CFAP221: variants seen among roughly 807,000 people sequenced by gnomAD.
CFAP221 encodes the protein cilia and flagella associated protein 221.
A neutral mutation model predicts 113.1 loss-of-function variants in CFAP221; 97 were observed. That is an observed-to-expected ratio of 0.86 (90% confidence interval 0.73 to 1.02). The LOEUF (loss-of-function observed/expected upper bound fraction) is 1.02, where lower values mean the gene tolerates loss of function less well. CFAP221 is among the 50% of genes least tolerant of loss of function. The pLI, the probability that CFAP221 is intolerant of heterozygous loss-of-function variation, is 0.00. For missense variants in CFAP221, 1,025 were observed against 1,013.4 expected, an observed-to-expected ratio of 1.01 and a Z score of -0.16; for synonymous variants, 331 against 354.4, an observed-to-expected ratio of 0.93 and a Z score of 0.74.
At chr2:119,631,139 T>A (rs2104765508) in intron 19 of CFAP221, 2 of 1,080,936 alleles carry the variant, frequency 1.9e-6, no homozygotes, top group East Asian at 3.6e-5. Context: ...TCTAAATATC[T>A]ATAATATGTA....
Position 119,584,824 on chromosome 2 carries a change from T to C in CFAP221, c.528-2295T>C, listed in dbSNP as rs955850223. 2.0e-5 allele frequency among the ~76,000 whole-genome samples: 3 copies of C among 152,278 alleles called. No individual in the cohort carries two copies. In the South Asian group the frequency reaches 6.2e-4, roughly 32 times the overall value. The stretch of plus-strand genomic sequence containing the variant: ...CTAAATGTTGGTAAGCAATAGAAAC[T>C]CTCCTATTCTGCTAGTAAAGGTGTA... On this transcript the variant is annotated intron_variant, in intron 6 of 23. Coordinates refer to ENST00000413369, the MANE Select transcript of CFAP221 (RefSeq NM_001271049.2).
chr2:119,631,056 T>G (rs1686741831), intron 19 of CFAP221, 155 bp downstream of exon 19: 6 of 1,365,976 alleles, frequency 4.4e-6, no homozygotes, highest in African/African-American at 1.5e-5. Context: ...CAACCTTTAT[T>G]TTTTGGAGAA....
At chr2:119,634,669 C>A (rs932625619) in intron 19 of CFAP221, among the ~76,000 whole-genome samples, 1 of 152,204 alleles carries the variant, frequency 6.6e-6, no homozygotes, top group African/African-American at 2.4e-5. Context: ...TAATATGCAA[C>A]AGCATTGATA....
Position 119,605,263 on chromosome 2 carries a change from C to T in CFAP221, c.1107C>T (p.His369=), listed in dbSNP as rs752797632. ...AACAGAAAGTCAGACAGGACATTCA[C>T]GAAGAGATGGAAAATCATCTTAAGT... The part of the protein sequence containing the change: ...LFEQKVRQDI[H]EEMENHLKWQ... Residue 369 remains histidine (H), a synonymous_variant, in exon 11 of 24, where the codon CAC becomes CAT. Transcript: ENST00000413369. 7.4e-6 allele frequency: 12 copies of T among 1,613,602 alleles called. No individual in the cohort carries two copies. Among genetic ancestry groups the T allele is most frequent in the East Asian group, 4.5e-5 (2 of 44,888 alleles).
chr2:119,591,099 C>T (rs1013263260), intron 7 of CFAP221, among the ~76,000 whole-genome samples: 2 of 152,084 alleles, frequency 1.3e-5, no homozygotes, highest in African/African-American at 4.8e-5. Context: ...GTGAGATAAC[C>T]GGCAGAGGGC....
chr2:119,657,415 A>C (rs572359342), downstream of CFAP221, among the ~76,000 whole-genome samples: 1 of 152,342 alleles, frequency 6.6e-6, no homozygotes, highest in Non-Finnish European at 1.5e-5. Flanking sequence ...GGAAATGTGC[A>C]GAGTATACCT....
At chr2:119,586,132 TAGAGA>T (rs903995609) in intron 6 of CFAP221, among the ~76,000 whole-genome samples, 2 of 151,448 alleles carry the variant, frequency 1.3e-5, no homozygotes, top group African/African-American at 4.9e-5. Context: ...AGGTATGGGG[TAGAGA>T]AGAGATGTAC....
chr2:119,655,016 G>A (rs1304065738), intron 23 of CFAP221, among the ~76,000 whole-genome samples: 1 of 152,126 alleles, frequency 6.6e-6, no homozygotes, highest in African/African-American at 2.4e-5. Context: ...AGCCAACAGA[G>A]TCCTCCCTGC....
chr2:119,587,180 T>C lies in CFAP221; in HGVS notation c.589T>C (p.Leu197=). ...TGTAGATTTTGAGTTTTATATCACC[T>C]TGATTCAGTCTCATCAAGCCTTTGC... ...CPVDFEFYIT[L]IQSHQAFAIE... is the part of the protein sequence containing the mutation. Residue 197 remains leucine, a synonymous_variant, in exon 7 of 24, where the codon TTG becomes CTG. Transcript: ENST00000413369. 1 of 1,533,732 alleles carries C rather than the reference T, an allele frequency of 6.5e-7. No individual in the cohort carries two copies. Among genetic ancestry groups the C allele is most frequent in the Non-Finnish European group, 8.7e-7 (1 of 1,145,616 alleles).
intron 7 of CFAP221, among the ~76,000 whole-genome samples, chr2:119,593,285 T>C (rs1683723291): frequency 6.6e-6 from 1 of 152,194 alleles, no homozygotes; most frequent in Non-Finnish European, 1.5e-5. Context: ...TTATTGTTGT[T>C]CCTTTGCTGA....
At chr2:119,643,371 C>T (rs1313428855) in intron 21 of CFAP221, among the ~76,000 whole-genome samples, 1 of 152,184 alleles carries the variant, frequency 6.6e-6, no homozygotes, top group African/African-American at 2.4e-5. Context: ...TCAGAGATAA[C>T]TTGTTAAATC....
intron 22 of CFAP221, 96 bp downstream of exon 22, chr2:119,647,146 C>A: frequency 1.1e-6 from 1 of 894,684 alleles, no homozygotes. Context: ...CACACAGTTC[C>A]TGAGCTTGCA....
intron 14 of CFAP221, among the ~76,000 whole-genome samples, chr2:119,620,455 G>A (rs989598151): frequency 2.6e-5 from 4 of 152,170 alleles, no homozygotes; most frequent in African/African-American, 9.7e-5. Context: ...TCACAGAAAA[G>A]CATTTTCAAC....
chr2:119,552,932 T>C (rs1680531705), intron 3 of CFAP221, among the ~76,000 whole-genome samples: 1 of 152,186 alleles, frequency 6.6e-6, no homozygotes, highest in South Asian at 2.1e-4. Flanking sequence ...GATGTTACCT[T>C]GTTTCTAATA....
chr2:119,646,711 T>C (rs1687833890), intron 21 of CFAP221, among the ~76,000 whole-genome samples: 1 of 152,018 alleles, frequency 6.6e-6, no homozygotes, highest in African/African-American at 2.4e-5. Context: ...AACTGAAAAA[T>C]TCTATGATTC....
At chr2:119,588,999 AGAG>A (rs756177015) in intron 7 of CFAP221, among the ~76,000 whole-genome samples, 9 of 152,150 alleles carry the variant, frequency 5.9e-5, no homozygotes, top group African/African-American at 2.4e-5. Flanking sequence ...GCAGTGCAGA[AGAG>A]GAGAATGAAG....
chr2:119,652,410 A>G (rs1409582758), intron 23 of CFAP221, among the ~76,000 whole-genome samples: 1 of 152,244 alleles, frequency 6.6e-6, no homozygotes, highest in Non-Finnish European at 1.5e-5. Context: ...CCGTTTGTAC[A>G]TAGAAAATCT....
At chr2:119,642,523 G>A (rs1455175583) in intron 21 of CFAP221, among the ~76,000 whole-genome samples, 1 of 146,862 alleles carries the variant, frequency 6.8e-6, no homozygotes, top group Non-Finnish European at 1.5e-5. Context: ...GGGGAAGGGA[G>A]CTCTCAGGCC....
At chr2:119,616,574 C>T (rs1464821651) in intron 14 of CFAP221, among the ~76,000 whole-genome samples, 1 of 152,180 alleles carries the variant, frequency 6.6e-6, no homozygotes, top group Non-Finnish European at 1.5e-5. Flanking sequence ...ACGAAGACTT[C>T]TGAGCCTCAT....
Sources: gnomAD v4.1 joint callset for allele counts (sites outside exome capture counted in the v4.1 genomes callset) on GRCh38, gnomAD v4.1.1 for gene constraint, MANE v1.5 for transcripts, NCBI Gene and HGNC (gene_info 2026-07-23, HGNC 2026-07-21) for gene names.